FKBP9: variants seen among roughly 807,000 people sequenced by gnomAD.
FKBP9 encodes peptidyl-prolyl cis-trans isomerase FKBP9.
In FKBP9, 27 loss-of-function variants were observed where a neutral mutation model predicts 55.6. The observed-to-expected ratio is 0.49, with a 90% CI of 0.36 to 0.67. The LOEUF (loss-of-function observed/expected upper bound fraction) is 0.67. Among genes scored for constraint, FKBP9 ranks in the 30% least tolerant of loss-of-function variants. The pLI is 0.00. For missense variants in FKBP9, 539 were observed against 742.8 expected (o/e 0.73, Z 3.19); for synonymous variants, 267 against 296.5 (o/e 0.90, Z 1.02).
intron 1 of FKBP9, among the ~76,000 whole-genome samples, chr7:32,967,848 A>G (rs1448638268): frequency 6.6e-6 from 1 of 151,994 alleles, no homozygotes; most frequent in Non-Finnish European, 1.5e-5. Flanking sequence ...TCCGCCTCCC[A>G]GGTTCAAGTG....
intron 4 of FKBP9, among the ~76,000 whole-genome samples, chr7:32,976,834 C>A (rs540543842): frequency 6.6e-6 from 1 of 152,274 alleles, no homozygotes; most frequent in East Asian, 1.9e-4. Flanking sequence ...GATTGAGTTG[C>A]AGAAATTTCC....
chr7:32,980,481 T>A lies in FKBP9; in HGVS notation c.821T>A (p.Ile274Lys). 6.2e-7 allele frequency: 1 copy of A among 1,613,882 alleles called. No individual in the cohort carries two copies. The highest frequency in any genetic ancestry group is 8.5e-7 in the Non-Finnish European group (1 of 1,179,858). Residue 274 changes from isoleucine (I) to lysine (K), a missense_variant, in exon 5 of 10, where the codon ATA (isoleucine) becomes AAA (lysine). Ile to Lys is a moderately radical substitution (Grantham distance 102, BLOSUM62 -3). This residue lies in a region of FKBP9 where 172 missense variants were observed against 205.3 expected (regional missense o/e 0.84). Coordinates refer to ENST00000242209, the MANE Select transcript of FKBP9 (RefSeq NM_007270.5). ...NKVVPENCER[I>K]SQSGDFLRYH... ...GTAGTACCTGAAAACTGTGAGCGGA[T>A]AAGTCAAAGTGGGGACTTTCTCAGG...
intron 1 of FKBP9, among the ~76,000 whole-genome samples, chr7:32,967,611 A>G (rs1784169731): frequency 6.6e-6 from 1 of 152,038 alleles, no homozygotes; most frequent in South Asian, 2.1e-4. Context: ...TATACCACAT[A>G]TTTTTTATCC....
In FKBP9 at chr7:32,988,611, T is replaced by C. The variant is rs1784621045; in HGVS notation, c.998T>C (p.Ile333Thr). ...GTTTGCATTGGAGAAAAGCGAAGGA[T>C]TGTGGTCCCGCCTCACCTGGGGTAT... ...LGVCIGEKRR[I>T]VVPPHLGYGE... Residue 333 changes from isoleucine to threonine, a missense_variant, in exon 6 of 10, where the codon ATT (isoleucine) becomes ACT (threonine). Coordinates refer to ENST00000242209, the MANE Select transcript of FKBP9 (RefSeq NM_007270.5). 1 of 1,614,000 alleles carries C rather than the reference T, an allele frequency of 6.2e-7. No individual in the cohort carries two copies. The highest frequency in any genetic ancestry group is 8.5e-7 in the Non-Finnish European group (1 of 1,179,874).
At chr7:32,995,793 C>T (rs2953595) in intron 6 of FKBP9, among the ~76,000 whole-genome samples, 3 of 152,114 alleles carry the variant, frequency 2.0e-5, no homozygotes, top group East Asian at 1.9e-4. Context: ...TTCCAGTGGG[C>T]AAGGGGCAAG....
Position 32,957,674 on chromosome 7 carries a change from C to T in FKBP9, c.101C>T (p.Ala34Val), listed in dbSNP as rs1306497383. 6.6e-7 allele frequency: 1 copy of T among 1,518,048 alleles called. No individual in the cohort carries two copies. The highest frequency in any genetic ancestry group is 2.1e-5 in the Admixed American group (1 of 48,382). 94.0% of individuals were successfully genotyped at this position (1,518,048 alleles called of 1,614,324 possible). A position where few individuals can be genotyped will look rare whatever the true frequency, so the allele number is the denominator to read the frequency against. ...CCCGTGGCGGGCCTGGGCTCCGACG[C>T]GGAGCTGCAGATCGAGCGGCGCTTC... ...AAPVAGLGSD[A>V]ELQIERRFVP... Residue 34 changes from alanine to valine, a missense_variant, in exon 1 of 10, where the codon GCG becomes GTG. Ala to Val is a moderately conservative substitution (Grantham distance 64, BLOSUM62 0). Transcript: ENST00000242209.
intron 6 of FKBP9, among the ~76,000 whole-genome samples, chr7:32,990,989 C>T (rs1472624111): frequency 6.6e-6 from 1 of 152,156 alleles, no homozygotes; most frequent in Non-Finnish European, 1.5e-5. Flanking sequence ...GCTTAAGATC[C>T]ATTCGACAGG....
At chr7:32,964,060 A>G (rs570408969) in intron 1 of FKBP9, among the ~76,000 whole-genome samples, 1 of 152,356 alleles carries the variant, frequency 6.6e-6, no homozygotes, top group African/African-American at 2.4e-5. Context: ...AGGTCAGGAC[A>G]TGCTAACTTA....
At chr7:32,959,482 A>T (rs1383622509) in intron 1 of FKBP9, among the ~76,000 whole-genome samples, 8 of 152,236 alleles carry the variant, frequency 5.3e-5, no homozygotes, top group African/African-American at 1.9e-4. Flanking sequence ...CAATTTGCCC[A>T]TTTGGTGTGT....
chr7:32,991,912 G>A (rs993974619), intron 6 of FKBP9, among the ~76,000 whole-genome samples: 4 of 151,878 alleles, frequency 2.6e-5, no homozygotes, highest in African/African-American at 9.7e-5. Context: ...GTGTGTCTGG[G>A]ACTTCTTGCA....
intron 1 of FKBP9, among the ~76,000 whole-genome samples, chr7:32,972,565 A>C (rs11972093): frequency 6.6e-6 from 1 of 151,980 alleles, no homozygotes; most frequent in Non-Finnish European, 1.5e-5. Context: ...CATTTTGAAA[A>C]GTAAGATAAT....
At chr7:32,981,121 C>T (rs1238951130) in intron 5 of FKBP9, among the ~76,000 whole-genome samples, 1 of 150,100 alleles carries the variant, frequency 6.7e-6, no homozygotes, top group Non-Finnish European at 1.5e-5. Flanking sequence ...GTACAGTGGG[C>T]AGAGAATGGG....
intron 8 of FKBP9, among the ~76,000 whole-genome samples, chr7:33,001,031 C>G (rs1466902085): frequency 6.6e-6 from 1 of 152,036 alleles, no homozygotes; most frequent in Non-Finnish European, 1.5e-5. Flanking sequence ...CCTGCTTAGG[C>G]CTCCCAAAGC....
In FKBP9 at chr7:33,006,689, C is replaced by T. The variant is rs1012398695; in HGVS notation, c.*1338C>T. 2.3e-4 allele frequency: 50 copies of T among 216,898 alleles called. No individual in the cohort carries two copies. Among genetic ancestry groups the T allele is most frequent in the African/African-American group, 9.9e-4 (44 of 44,504 alleles). The allele number at this position is 216,898 out of a possible 1,614,324, so 13.4% of individuals were successfully genotyped here. On this transcript the variant is annotated 3_prime_UTR_variant, in exon 10 of 10. Transcript: ENST00000242209. ...CAAGACAGCAATGACAGTCCACCTG[C>T]CGACCTGATTCCTGCATCATGGAAT...
chr7:32,975,792 G>A (rs1583850492), intron 3 of FKBP9, among the ~76,000 whole-genome samples: 2 of 151,906 alleles, frequency 1.3e-5, no homozygotes, highest in Admixed American at 6.6e-5. Context: ...GACTACAGGC[G>A]CATGCCACCA....
chr7:32,972,964 C>T (rs1454296485), intron 1 of FKBP9, among the ~76,000 whole-genome samples: 1 of 152,172 alleles, frequency 6.6e-6, no homozygotes, highest in Non-Finnish European at 1.5e-5. Context: ...TCAAGTGATC[C>T]ACCGTCCTTG....
At position 32,988,669 on chromosome 7, in the gene FKBP9, C is replaced by T. The variant is rs1784622897; in HGVS notation, c.1039+17C>T. On this transcript the variant is annotated intron_variant, in intron 6 of 9. Transcript: ENST00000242209. ...AAGGAAGAGGTGAGCATCAGCATCACCTGCCTTCCTCACTAGCTGTGGCTG... is the reference window on the plus strand; with the variant it reads ...AAGGAAGAGGTGAGCATCAGCATCATCTGCCTTCCTCACTAGCTGTGGCTG... 1.9e-6 allele frequency: 3 copies of T among 1,612,966 alleles called. No individual in the cohort carries two copies. In the South Asian group the frequency reaches 3.3e-5, roughly 18 times the overall value.
intron 9 of FKBP9, among the ~76,000 whole-genome samples, chr7:33,003,855 C>T (rs1020337570): frequency 7.9e-5 from 12 of 152,140 alleles, no homozygotes; most frequent in African/African-American, 2.4e-4. Flanking sequence ...GTGGTCTTAT[C>T]GGGTCCATAT....
At position 33,005,313 on chromosome 7, in the gene FKBP9, A is replaced by G; in HGVS notation, c.1675A>G (p.Lys559Glu). 6.2e-7 allele frequency: 1 copy of G among 1,614,254 alleles called. No homozygotes were observed. Among genetic ancestry groups the G allele is most frequent in the East Asian group, 2.2e-5 (1 of 44,890 alleles). The change falls in exon 10 of 10, where the codon AAA becomes GAA. Residue 559 changes from lysine (K) to glutamate (E), a missense_variant. Coordinates refer to ENST00000242209, the MANE Select transcript of FKBP9 (RefSeq NM_007270.5). ...GDGKVTAEEF[K>E]LKDQEAKHDE... The stretch of plus-strand genomic sequence containing the variant: ...TGGGAAGGTCACAGCCGAGGAATTT[A>G]AACTCAAAGACCAGGAAGCCAAACA...
Sources: allele counts gnomAD v4.1 joint callset (sites outside exome capture counted in the v4.1 genomes callset), GRCh38; gene constraint gnomAD v4.1.1; regional missense constraint gnomAD v4.1.1; transcripts MANE v1.5; gene names NCBI Gene and HGNC (gene_info 2026-07-23, HGNC 2026-07-21).